NALF1: variants seen among roughly 807,000 people sequenced by gnomAD.
The protein encoded by NALF1 is family with sequence similarity 155 member A.
Under a neutral mutation model 48.4 loss-of-function variants are expected in NALF1, and 3 were observed. The observed-to-expected ratio is 0.06, with a 90% CI of 0.03 to 0.16. NALF1 has a LOEUF of 0.16. Among genes scored for constraint, NALF1 ranks in the 10% least tolerant of loss-of-function variants. The pLI, the probability that NALF1 is intolerant of heterozygous loss-of-function variation, is 1.00. For synonymous variants in NALF1, 262 were observed against 245.7 expected (o/e 1.07, Z -0.62); for missense variants, 526 against 571.5 (o/e 0.92, Z 0.81).
chr13:107,721,138 ACACACACACAC>A, intron 1 of NALF1, among the ~76,000 whole-genome samples: 1 of 148,526 alleles, frequency 6.7e-6, no homozygotes, highest in African/African-American at 2.5e-5. Flanking sequence ...ACACACACAC[ACACACACACAC>A]GTAATGAAAT....
intron 1 of NALF1, among the ~76,000 whole-genome samples, chr13:107,431,212 T>G (rs1446829348): frequency 6.6e-6 from 1 of 152,196 alleles, no homozygotes; most frequent in African/African-American, 2.4e-5. Context: ...TTTCATAATT[T>G]GGTGCTCTTC....
intron 1 of NALF1, among the ~76,000 whole-genome samples, chr13:107,283,742 C>T (rs1228418086): frequency 6.6e-6 from 1 of 151,958 alleles, no homozygotes; most frequent in Non-Finnish European, 1.5e-5. Context: ...TCATTGCAAA[C>T]TCCACCTCCC....
intron 1 of NALF1, among the ~76,000 whole-genome samples, chr13:107,770,070 G>A (rs1313173264): frequency 3.9e-5 from 6 of 151,960 alleles, no homozygotes; most frequent in South Asian, 2.1e-4. Context: ...CCGCCACCAC[G>A]CCCGGCTAAT....
At chr13:107,800,682 G>T in intron 1 of NALF1, among the ~76,000 whole-genome samples, 1 of 144,130 alleles carries the variant, frequency 6.9e-6, no homozygotes. Context: ...GTATTTTATT[G>T]GTAATAAAAT....
intron 1 of NALF1, among the ~76,000 whole-genome samples, chr13:107,219,013 C>T (rs971897436): frequency 2.6e-5 from 4 of 152,114 alleles, no homozygotes; most frequent in South Asian, 2.1e-4. Flanking sequence ...AATAAGGAAG[C>T]GTTTCCTTTG....
chr13:107,607,034 T>C (rs868236554), intron 1 of NALF1, among the ~76,000 whole-genome samples: 14 of 152,214 alleles, frequency 9.2e-5, no homozygotes, highest in African/African-American at 7.2e-5. Flanking sequence ...TATTTATACA[T>C]TGGTGCAAAA....
chr13:107,539,046 T>G (rs1182450453), intron 1 of NALF1, among the ~76,000 whole-genome samples: 1 of 149,886 alleles, frequency 6.7e-6, no homozygotes, highest in African/African-American at 2.5e-5. Flanking sequence ...AGGTATACAT[T>G]AGTAAACAAC....
intron 1 of NALF1, among the ~76,000 whole-genome samples, chr13:107,215,405 G>A (rs1879851722): frequency 6.6e-6 from 1 of 152,116 alleles, no homozygotes; most frequent in Non-Finnish European, 1.5e-5. Flanking sequence ...TGGTCACACA[G>A]GCCTGTTTGA....
chr13:107,608,510 A>G (rs1376347936), intron 1 of NALF1, among the ~76,000 whole-genome samples: 1 of 152,190 alleles, frequency 6.6e-6, no homozygotes, highest in East Asian at 1.9e-4. Flanking sequence ...ATATATTACC[A>G]GCACAGACTT....
intron 1 of NALF1, among the ~76,000 whole-genome samples, chr13:107,264,776 T>C (rs1333044359): frequency 1.3e-5 from 2 of 152,256 alleles, no homozygotes; most frequent in African/African-American, 4.8e-5. Flanking sequence ...TTACTGTTAT[T>C]CTATTGTTTA....
At chr13:107,195,649 T>A (rs1041792921) in intron 2 of NALF1, among the ~76,000 whole-genome samples, 1 of 152,228 alleles carries the variant, frequency 6.6e-6, no homozygotes, top group African/African-American at 2.4e-5. Flanking sequence ...TCTTAGTTTA[T>A]GAACCAACTG....
At chr13:107,778,440 A>G (rs1259514922) in intron 1 of NALF1, among the ~76,000 whole-genome samples, 1 of 152,164 alleles carries the variant, frequency 6.6e-6, no homozygotes, top group East Asian at 1.9e-4. Flanking sequence ...TGAATTCTTA[A>G]AGGGGGTATG....
At chr13:107,547,904 G>C (rs1566388028) in intron 1 of NALF1, among the ~76,000 whole-genome samples, 1 of 152,188 alleles carries the variant, frequency 6.6e-6, no homozygotes, top group African/African-American at 2.4e-5. Flanking sequence ...AAGTAATTAA[G>C]GAATAGTGAA....
chr13:107,435,625 C>G (rs968655114), intron 1 of NALF1, among the ~76,000 whole-genome samples: 5 of 152,098 alleles, frequency 3.3e-5, no homozygotes, highest in Non-Finnish European at 7.3e-5. Context: ...AGTACTTGAG[C>G]TTTTTTACTT....
chr13:107,391,833 G>T (rs182860573), intron 1 of NALF1, among the ~76,000 whole-genome samples: 1 of 152,020 alleles, frequency 6.6e-6, no homozygotes, highest in African/African-American at 2.4e-5. Flanking sequence ...GATGTCTCAC[G>T]CCTCCCTAAA....
intron 1 of NALF1, among the ~76,000 whole-genome samples, chr13:107,829,282 G>A (rs1879634503): frequency 1.3e-5 from 2 of 152,102 alleles, no homozygotes; most frequent in African/African-American, 4.8e-5. Context: ...CACCAATATT[G>A]AGCAGTAACG....
intron 1 of NALF1, among the ~76,000 whole-genome samples, chr13:107,697,025 A>G (rs1318745330): frequency 2.0e-5 from 3 of 152,062 alleles, no homozygotes; most frequent in African/African-American, 7.2e-5. Context: ...TCAAGTAGCT[A>G]TTGTGTTTAA....
intron 1 of NALF1, among the ~76,000 whole-genome samples, chr13:107,860,055 T>TAA (rs1343580282): frequency 3.9e-5 from 6 of 151,968 alleles, no homozygotes; most frequent in Non-Finnish European, 8.8e-5. Context: ...TGAATTAAAC[T>TAA]TAAAAAATAA....
At chr13:107,561,154 T>C (rs1877633267) in intron 1 of NALF1, among the ~76,000 whole-genome samples, 3 of 152,184 alleles carry the variant, frequency 2.0e-5, no homozygotes, top group Admixed American at 2.0e-4. Flanking sequence ...TCAAAGTCAG[T>C]AGATGTAACA....
Sources: allele counts gnomAD v4.1 joint callset (sites outside exome capture counted in the v4.1 genomes callset), GRCh38; gene constraint gnomAD v4.1.1; transcripts MANE v1.5; gene names NCBI Gene and HGNC (gene_info 2026-07-23, HGNC 2026-07-21).